ATP9B: variants seen among roughly 807,000 people sequenced by gnomAD.
ATP9B encodes probable phospholipid-transporting ATPase IIB.
In ATP9B, 110 loss-of-function variants were observed where a neutral mutation model predicts 146.1. The observed-to-expected ratio is 0.75, with a 90% CI of 0.65 to 0.88. ATP9B has a LOEUF of 0.88. Among genes scored for constraint, ATP9B ranks in the 40% least tolerant of loss-of-function variants. The pLI is 0.00. For synonymous variants in ATP9B, 604 were observed against 569.7 expected, an observed-to-expected ratio of 1.06 and a Z score of -0.86; for missense variants, 1,499 against 1,496.4, an observed-to-expected ratio of 1.00 and a Z score of -0.03.
At chr18:79,234,054 C>T (rs1348565009) in intron 11 of ATP9B, among the ~76,000 whole-genome samples, 1 of 152,106 alleles carries the variant, frequency 6.6e-6, no homozygotes, top group Non-Finnish European at 1.5e-5. Flanking sequence ...AGTTCAAACC[C>T]TTGTTGTTCA....
chr18:79,259,693 G>A (rs1352101593), intron 12 of ATP9B, among the ~76,000 whole-genome samples: 2 of 152,168 alleles, frequency 1.3e-5, no homozygotes, highest in Non-Finnish European at 2.9e-5. Flanking sequence ...TGTGCAGTCA[G>A]CACACCCCCA....
rs371812755 is a variant in ATP9B at position 79,163,951 on chromosome 18, C to T, written c.778+9396C>T. On this transcript the variant is annotated intron_variant, in intron 7 of 29. Coordinates refer to ENST00000426216, the MANE Select transcript of ATP9B (RefSeq NM_198531.5). ...AGACAGACAGAGACAGAAAAGGTCT[C>T]GCACTGTCCCAGGCTAGAGTGCTGT... is the stretch of plus-strand genomic sequence containing the variant. 6.6e-5 allele frequency among the ~76,000 whole-genome samples: 10 copies of T among 151,854 alleles called. No homozygotes were observed. The East Asian group carries it at 1.4e-3, about 21-fold the overall frequency.
chr18:79,177,005 T>C, intron 8 of ATP9B, 98 bp downstream of exon 8: 1 of 988,770 alleles, frequency 1.0e-6, no homozygotes, highest in South Asian at 1.7e-5. Flanking sequence ...ATTTAATGCA[T>C]TGAGAATTTG....
intron 12 of ATP9B, among the ~76,000 whole-genome samples, chr18:79,265,690 C>A (rs2096196735): frequency 6.6e-6 from 1 of 151,450 alleles, no homozygotes; most frequent in Non-Finnish European, 1.5e-5. Context: ...TGCAGAGATT[C>A]TTCAGTTTAT....
At chr18:79,294,634 TA>T (rs1555817297) in intron 13 of ATP9B, among the ~76,000 whole-genome samples, 1 of 152,242 alleles carries the variant, frequency 6.6e-6, no homozygotes. Flanking sequence ...ACAAGCAGTG[TA>T]AAAAACTATG....
chr18:79,069,537 AG>A lies in ATP9B; in HGVS notation c.119+10del. 7.4e-7 allele frequency: 1 copy of A among 1,343,582 alleles called. No individual in the cohort carries two copies. Among genetic ancestry groups the A allele is most frequent in the Non-Finnish European group, 9.6e-7 (1 of 1,046,530 alleles). The allele number at this position is 1,343,582 out of a possible 1,614,324, so 83.2% of individuals were successfully genotyped here. ...AGCCGACCGGCACAGCAGGTAACCG[AG>A]GCGGCACTGGCCCCGTTCCCCGCCG... On this transcript the variant is annotated intron_variant, in intron 1 of 29. Coordinates refer to ENST00000426216, the MANE Select transcript of ATP9B (RefSeq NM_198531.5).
chr18:79,355,656 CGTTT>C (rs1219830959), intron 25 of ATP9B, among the ~76,000 whole-genome samples: 1 of 150,838 alleles, frequency 6.6e-6, no homozygotes, highest in Non-Finnish European at 1.5e-5. Context: ...GCCGCTGTAC[CGTTT>C]GTGCCGTGGG....
At chr18:79,213,521 T>C (rs2095602095) in intron 10 of ATP9B, among the ~76,000 whole-genome samples, 1 of 152,136 alleles carries the variant, frequency 6.6e-6, no homozygotes, top group African/African-American at 2.4e-5. Context: ...TTAGTAATAC[T>C]TTGATCTTTA....
chr18:79,089,088 T>A lies in ATP9B; in HGVS notation c.120-7388T>A, dbSNP rs564965954. On this transcript the variant is annotated intron_variant, in intron 1 of 29. Coordinates refer to ENST00000426216, the MANE Select transcript of ATP9B (RefSeq NM_198531.5). ...TTGTGATGGCATAAGAATGATGCAGTGGACTTTGGCGATGCAGGGGGAAAG... is the reference window on the plus strand; with the variant it reads ...TTGTGATGGCATAAGAATGATGCAGAGGACTTTGGCGATGCAGGGGGAAAG... 2.0e-5 allele frequency among the ~76,000 whole-genome samples: 3 copies of A among 152,240 alleles called. No homozygotes were observed. In the South Asian group the frequency reaches 6.2e-4, roughly 32 times the overall value.
At chr18:79,308,677 T>TCTGA (rs2096632840) in intron 15 of ATP9B, among the ~76,000 whole-genome samples, 1 of 63,126 alleles carries the variant, frequency 1.6e-5, no homozygotes, top group African/African-American at 5.8e-5. Context: ...TCAGGGGTGG[T>TCTGA]GGAGTGATCC....
chr18:79,312,491 G>C (rs1187727147), intron 15 of ATP9B, among the ~76,000 whole-genome samples: 1 of 152,164 alleles, frequency 6.6e-6, no homozygotes, highest in Non-Finnish European at 1.5e-5. Flanking sequence ...GCTGCCCATT[G>C]GCACGCGGGA....
chr18:79,370,014 G>A (rs975502841), intron 26 of ATP9B, among the ~76,000 whole-genome samples: 4 of 152,238 alleles, frequency 2.6e-5, no homozygotes, highest in East Asian at 1.9e-4. Flanking sequence ...CAGGAGAATC[G>A]CTTGAACCTG....
intron 12 of ATP9B, 35 bp downstream of exon 12, chr18:79,253,576 G>A (rs749887336): frequency 1.0e-5 from 16 of 1,526,124 alleles, no homozygotes; most frequent in Non-Finnish European, 1.3e-5. Flanking sequence ...CAAATGTCTG[G>A]TTTCATTGAG....
At chr18:79,154,936 G>A (rs1191674904) in intron 7 of ATP9B, among the ~76,000 whole-genome samples, 1 of 152,198 alleles carries the variant, frequency 6.6e-6, no homozygotes, top group Non-Finnish European at 1.5e-5. Context: ...TTAAAAGGGT[G>A]TTTGCTGTGA....
At chr18:79,156,332 C>A (rs1205474048) in intron 7 of ATP9B, among the ~76,000 whole-genome samples, 1 of 152,150 alleles carries the variant, frequency 6.6e-6, no homozygotes, top group Non-Finnish European at 1.5e-5. Context: ...TGAACTCTGG[C>A]CAAAGAGGGA....
intron 26 of ATP9B, among the ~76,000 whole-genome samples, chr18:79,364,794 C>T (rs1177254533): frequency 6.6e-6 from 1 of 152,098 alleles, no homozygotes; most frequent in Non-Finnish European, 1.5e-5. Context: ...GAGGCTGAAG[C>T]AGGAGGATAA....
chr18:79,079,580 C>T (rs1416217882), intron 1 of ATP9B, among the ~76,000 whole-genome samples: 1 of 151,974 alleles, frequency 6.6e-6, no homozygotes, highest in East Asian at 1.9e-4. Context: ...CAAAAATTTT[C>T]TCCCATTCTA....
intron 26 of ATP9B, chr18:79,359,830 G>A: frequency 4.0e-6 from 1 of 248,378 alleles, no homozygotes; most frequent in South Asian, 5.1e-5. Context: ...CCCCCGGACA[G>A]CGTCACTGCA....
At chr18:79,273,429 G>A (rs922983516) in intron 12 of ATP9B, among the ~76,000 whole-genome samples, 1 of 152,178 alleles carries the variant, frequency 6.6e-6, no homozygotes, top group Non-Finnish European at 1.5e-5. Flanking sequence ...AGATCACATG[G>A]CCTCTGTGTC....
Sources: gnomAD v4.1 joint callset for allele counts (sites outside exome capture counted in the v4.1 genomes callset) on GRCh38, gnomAD v4.1.1 for gene constraint, MANE v1.5 for transcripts, NCBI Gene and HGNC (gene_info 2026-07-23, HGNC 2026-07-21) for gene names.